FOXN4: variants seen among roughly 807,000 people sequenced by gnomAD.
The protein encoded by FOXN4 is forkhead box N4, also known as forkhead box protein N4.
In FOXN4, 12 loss-of-function variants were observed where a neutral mutation model predicts 45.0. The observed-to-expected ratio is 0.27, with a 90% CI of 0.17 to 0.43. The LOEUF is 0.43. Ranked by LOEUF, FOXN4 falls within the 20% of genes least tolerant of loss-of-function variation. FOXN4 has a pLI of 1.00. For synonymous variants in FOXN4, 297 were observed against 295.0 expected (o/e 1.01, Z -0.07); for missense variants, 560 against 694.9 (o/e 0.81, Z 2.18).
At chr12:109,302,782 C>A (rs2047879641) in intron 2 of FOXN4, among the ~76,000 whole-genome samples, 1 of 152,170 alleles carries the variant, frequency 6.6e-6, no homozygotes, top group African/African-American at 2.4e-5. Flanking sequence ...TCCCGCCCTA[C>A]CTGCGCGGCA....
At position 109,290,370 on chromosome 12, in the gene FOXN4, G is replaced by C; in HGVS notation, c.87-84C>G. ...TGCGTCCCGACCTCTGGAAGCACCCGCTTAATGTGCCTCATCTCCCCAAGC... is the reference window on the plus strand; with the variant it reads ...TGCGTCCCGACCTCTGGAAGCACCCCCTTAATGTGCCTCATCTCCCCAAGC... On this transcript the variant is annotated intron_variant, in intron 2 of 9. Transcript: ENST00000299162. The surrounding 1 kb of genome is among the most constrained non-coding windows in gnomAD (Gnocchi z 5.1). 7.0e-7 allele frequency: 1 copy of C among 1,424,776 alleles called. No homozygotes were observed. Among genetic ancestry groups the C allele is most frequent in the Non-Finnish European group, 9.3e-7 (1 of 1,076,932 alleles). The allele number at this position is 1,424,776 out of a possible 1,614,324, so 88.3% of individuals were successfully genotyped here.
intron 2 of FOXN4, among the ~76,000 whole-genome samples, chr12:109,300,103 C>A (rs535700269): frequency 6.6e-6 from 1 of 152,174 alleles, no homozygotes; most frequent in Non-Finnish European, 1.5e-5. Context: ...ACAGGTAGGC[C>A]GCTCACCCCA....
Position 109,279,894 on chromosome 12 carries a change from C to G in FOXN4, c.1331G>C (p.Ser444Thr). Residue 444 changes from serine to threonine, a missense_variant, in exon 10 of 10, where the codon AGC becomes ACC. Coordinates refer to ENST00000299162, the MANE Select transcript of FOXN4 (RefSeq NM_213596.3). ...TGCAAAGGCGCCCAGTGTGTCCAAG[C>G]TGAATCCCTCATCCTTCATCTCCTC... ...LWEEMKDEGF[S>T]LDTLGAFADS... is the part of the protein sequence containing the mutation. 1 of 1,613,976 alleles carries G rather than the reference C, an allele frequency of 6.2e-7. No individual in the cohort carries two copies. Among genetic ancestry groups the G allele is most frequent in the Middle Eastern group, 1.6e-4 (1 of 6,062 alleles).
chr12:109,303,189 G>A (rs1325320248), intron 2 of FOXN4, among the ~76,000 whole-genome samples: 3 of 152,158 alleles, frequency 2.0e-5, no homozygotes, highest in African/African-American at 7.2e-5. Context: ...GGACCACAGA[G>A]AGGCTACCTC....
chr12:109,296,621 G>C (rs545017791), intron 2 of FOXN4, among the ~76,000 whole-genome samples: 9 of 152,272 alleles, frequency 5.9e-5, no homozygotes, highest in Admixed American at 3.3e-4. Context: ...ACCAGGACAG[G>C]ACAGGGGTTG....
At chr12:109,280,307 C>T (rs973837522) in intron 9 of FOXN4, among the ~76,000 whole-genome samples, 1 of 135,446 alleles carries the variant, frequency 7.4e-6, no homozygotes, top group Admixed American at 8.3e-5. Flanking sequence ...TGTGCCACTG[C>T]GCTACAGCCT....
In FOXN4 at chr12:109,278,439, C is replaced by G. The variant is rs1438710388; in HGVS notation, c.*1232G>C. ...CTCCCCTGTCTCTCTTCTAACCCAG[C>G]TATCTGCGGAACTTGCCACTTGGGG... On this transcript the variant is annotated 3_prime_UTR_variant, in exon 10 of 10. Coordinates refer to ENST00000299162, the MANE Select transcript of FOXN4 (RefSeq NM_213596.3). 1 of 152,244 alleles carries G rather than the reference C, an allele frequency of 6.6e-6. No individual in the cohort carries two copies. Among genetic ancestry groups the G allele is most frequent in the Non-Finnish European group, 1.5e-5 (1 of 68,044 alleles). The allele number at this position is 152,244 out of a possible 1,614,324, so 9.4% of individuals were successfully genotyped here. A position where few individuals can be genotyped will look rare whatever the true frequency, so the allele number is the denominator to read the frequency against.
chr12:109,308,162 C>T, intron 2 of FOXN4, 74 bp downstream of exon 2: 1 of 1,242,060 alleles, frequency 8.1e-7, no homozygotes, highest in African/African-American at 1.5e-5. Flanking sequence ...TGGGCAGTTT[C>T]AGAAACCATA....
chr12:109,280,839 T>C (rs2047645892), intron 9 of FOXN4, among the ~76,000 whole-genome samples: 1 of 152,200 alleles, frequency 6.6e-6, no homozygotes, highest in South Asian at 2.1e-4. Context: ...GTCCCATTTA[T>C]TGGAGATGAT....
Position 109,290,108 on chromosome 12 carries a change from C to T in FOXN4, c.232+33G>A. The T allele has an allele frequency of 6.6e-7, 1 of 1,515,854 alleles. No individual in the cohort carries two copies. The highest frequency in any genetic ancestry group is 8.9e-7 in the Non-Finnish European group (1 of 1,126,994). The allele number at this position is 1,515,854 out of a possible 1,614,324, so 93.9% of individuals were successfully genotyped here. A position where few individuals can be genotyped will look rare whatever the true frequency, so the allele number is the denominator to read the frequency against. On this transcript the variant is annotated intron_variant, in intron 3 of 9. Coordinates refer to ENST00000299162, the MANE Select transcript of FOXN4 (RefSeq NM_213596.3). This position sits in a 1 kb window ranked among gnomAD's most constrained non-coding sequence, Gnocchi z 5.1. ...GGGAATCACCCCTCTCCTATATCAC[C>T]CTCCTCCCTGCCTACCTTGTCCCTG... is the stretch of plus-strand genomic sequence containing the variant.
chr12:109,308,885 A>C (rs953543356), intron 1 of FOXN4, among the ~76,000 whole-genome samples: 1 of 152,216 alleles, frequency 6.6e-6, no homozygotes, highest in Non-Finnish European at 1.5e-5. Flanking sequence ...GCCTTAAAAA[A>C]ATAATAAAAA....
chr12:109,290,043 A>G lies in FOXN4; in HGVS notation c.232+98T>C. ...GAAAGAGAGGCCCAGAGAGACTGGG[A>G]GACCGGGTCATGGCTGCACAGTGGG... On this transcript the variant is annotated intron_variant, in intron 3 of 9. Coordinates refer to ENST00000299162, the MANE Select transcript of FOXN4 (RefSeq NM_213596.3). This position sits in a 1 kb window ranked among gnomAD's most constrained non-coding sequence, Gnocchi z 5.1. 7.5e-7 allele frequency: 1 copy of G among 1,335,752 alleles called. No homozygotes were observed. Among genetic ancestry groups the G allele is most frequent in the Non-Finnish European group, 9.9e-7 (1 of 1,006,466 alleles). The allele number at this position is 1,335,752 out of a possible 1,614,324, so 82.7% of individuals were successfully genotyped here. A position where few individuals can be genotyped will look rare whatever the true frequency, so the allele number is the denominator to read the frequency against.
chr12:109,303,048 T>C (rs527756283), intron 2 of FOXN4, among the ~76,000 whole-genome samples: 72 of 152,354 alleles, frequency 4.7e-4, no homozygotes, highest in Non-Finnish European at 8.7e-4. Flanking sequence ...ATGATTTGAT[T>C]AGGAATTTGG....
Position 109,291,093 on chromosome 12 carries a change from C to A in FOXN4, c.87-807G>T, listed in dbSNP as rs1160049413. 2.0e-5 allele frequency among the ~76,000 whole-genome samples: 3 copies of A among 152,154 alleles called. No homozygotes were observed. The highest frequency in any genetic ancestry group is 4.4e-5 in the Non-Finnish European group (3 of 68,022). Reference sequence around the variant, plus strand: ...CCCTTCAACTCGACCCCTGGTGGTCCCAAGAGGCTCCAGTTAGGACCCACA... The same window carrying A: ...CCCTTCAACTCGACCCCTGGTGGTCACAAGAGGCTCCAGTTAGGACCCACA... On this transcript the variant is annotated intron_variant, in intron 2 of 9. Transcript: ENST00000299162. The surrounding 1 kb of genome is among the most constrained non-coding windows in gnomAD (Gnocchi z 6.6).
chr12:109,285,001 G>A (rs1037971120), intron 8 of FOXN4, among the ~76,000 whole-genome samples: 10 of 145,550 alleles, frequency 6.9e-5, no homozygotes, highest in East Asian at 4.4e-4. Flanking sequence ...CCTCTTCTGC[G>A]TGTGTGCGTG....
chr12:109,285,748 T>G (rs1168804917), intron 7 of FOXN4, among the ~76,000 whole-genome samples: 1 of 152,156 alleles, frequency 6.6e-6, no homozygotes, highest in Non-Finnish European at 1.5e-5. Context: ...ACTGTTACTA[T>G]AGGAGGATGC....
intron 8 of FOXN4, among the ~76,000 whole-genome samples, chr12:109,282,997 T>C (rs1792007191): frequency 6.6e-6 from 1 of 152,048 alleles, no homozygotes; most frequent in South Asian, 2.1e-4. Context: ...GCTCCTGCTA[T>C]AGCCCTTCTC....
In FOXN4 at chr12:109,291,257, C is replaced by T. The variant is rs567521249; in HGVS notation, c.87-971G>A. ...GTGCCCTCAAGTCACACTTGCCACG[C>T]GACTCCGAGAGCATCGGGTCTTACA... On this transcript the variant is annotated intron_variant, in intron 2 of 9. Transcript: ENST00000299162. This position sits in a 1 kb window ranked among gnomAD's most constrained non-coding sequence, Gnocchi z 6.6. 7.2e-5 allele frequency among the ~76,000 whole-genome samples: 11 copies of T among 152,004 alleles called. No individual in the cohort carries two copies. Among genetic ancestry groups the T allele is most frequent in the African/African-American group, 9.7e-5 (4 of 41,384 alleles).
At chr12:109,286,768 GCAGGGCAGGGCAGGA>G in intron 6 of FOXN4, 24 bp from the exon 7 acceptor site, 1 of 1,571,156 alleles carries the variant, frequency 6.4e-7, no homozygotes, top group East Asian at 2.2e-5. Flanking sequence ...GTGGGGCAGG[GCAGGGCAGGGCAGGA>G]CAGGGCAGGC....
Sources: allele counts gnomAD v4.1 joint callset (sites outside exome capture counted in the v4.1 genomes callset), GRCh38; gene constraint gnomAD v4.1.1; non-coding constraint Gnocchi (gnomAD v3.1); transcripts MANE v1.5; gene names NCBI Gene and HGNC (gene_info 2026-07-23, HGNC 2026-07-21).